CENPP: variants seen among roughly 807,000 people sequenced by gnomAD.
CENPP encodes centromere protein P.
In CENPP, 24 loss-of-function variants were observed where a neutral mutation model predicts 35.6. The observed-to-expected ratio is 0.67, with a 90% CI of 0.49 to 0.95. The LOEUF is 0.95. CENPP is among the 40% of genes least tolerant of loss of function. The probability of loss-of-function intolerance (pLI) is 0.00; values close to 1 mark genes in which losing one functional copy is unlikely to be tolerated. For missense variants in CENPP, 332 were observed against 345.3 expected, an observed-to-expected ratio of 0.96 and a Z score of 0.31; for synonymous variants, 120 against 125.5, an observed-to-expected ratio of 0.96 and a Z score of 0.29.
At chr9:92,525,446 T>C (rs909580133) in intron 5 of CENPP, among the ~76,000 whole-genome samples, 8 of 152,188 alleles carry the variant, frequency 5.3e-5, no homozygotes, top group Non-Finnish European at 7.3e-5. Flanking sequence ...CAGTGACAAA[T>C]TGCATATACC....
chr9:92,388,505 G>T (rs995090577), intron 5 of CENPP, among the ~76,000 whole-genome samples: 3 of 151,764 alleles, frequency 2.0e-5, no homozygotes, highest in Non-Finnish European at 4.4e-5. Context: ...TATTCAAAGA[G>T]TGACCAACTC....
In CENPP at chr9:92,390,061, A is replaced by T. The variant is rs1842607291; in HGVS notation, c.564+10202A>T. The T allele has an allele frequency of 2.0e-6, 3 of 1,521,978 alleles. No individual in the cohort carries two copies. The East Asian group carries it at 6.8e-5, about 34-fold the overall frequency. The allele number at this position is 1,521,978 out of a possible 1,614,324, so 94.3% of individuals were successfully genotyped here. Reference sequence around the variant, plus strand: ...AATCGAGTCTTCTTAAGTTAGCTAGAGGGAAAAAAATATAAAAAACAACTA... The same window carrying T: ...AATCGAGTCTTCTTAAGTTAGCTAGTGGGAAAAAAATATAAAAAACAACTA... On this transcript the variant is annotated intron_variant, in intron 5 of 7. Transcript: ENST00000375587.
At chr9:92,505,385 A>G (rs781641179) in intron 5 of CENPP, 1 of 706,612 alleles carries the variant, frequency 1.4e-6, no homozygotes, top group South Asian at 2.9e-5. Context: ...TGCTTGAAGA[A>G]AAAACAATGC....
chr9:92,446,003 C>A (rs1289339298), intron 5 of CENPP, among the ~76,000 whole-genome samples: 5 of 151,784 alleles, frequency 3.3e-5, no homozygotes, highest in Non-Finnish European at 5.9e-5. Context: ...TTATTTTATT[C>A]TTTCTACTTT....
intron 5 of CENPP, chr9:92,401,115 A>T: frequency 6.6e-7 from 1 of 1,509,748 alleles, no homozygotes; most frequent in Non-Finnish European, 9.2e-7. Context: ...CTTGGGAGGT[A>T]ATGGTGTTAT....
intron 4 of CENPP, among the ~76,000 whole-genome samples, chr9:92,359,193 C>T (rs1841674275): frequency 6.6e-6 from 1 of 152,044 alleles, no homozygotes; most frequent in Admixed American, 6.5e-5. Flanking sequence ...AGGTGATCCG[C>T]CTGCCTTGGC....
intron 5 of CENPP, among the ~76,000 whole-genome samples, chr9:92,442,756 G>C (rs1029367629): frequency 1.3e-5 from 2 of 151,910 alleles, no homozygotes; most frequent in Non-Finnish European, 2.9e-5. Context: ...GGCTGAGGCA[G>C]GAGAATGGCG....
chr9:92,492,238 T>G (rs1262166862), intron 5 of CENPP, among the ~76,000 whole-genome samples: 1 of 152,260 alleles, frequency 6.6e-6, no homozygotes, highest in Non-Finnish European at 1.5e-5. Context: ...CTGTAATTTG[T>G]GGCTTAAATT....
intron 5 of CENPP, among the ~76,000 whole-genome samples, chr9:92,537,646 C>T (rs751343432): frequency 1.3e-5 from 2 of 151,658 alleles, no homozygotes; most frequent in Non-Finnish European, 2.9e-5. Flanking sequence ...GGCAACAGAG[C>T]GAGACTACAT....
chr9:92,391,240 C>T (rs1842666797), intron 5 of CENPP, among the ~76,000 whole-genome samples: 1 of 148,822 alleles, frequency 6.7e-6, no homozygotes. Context: ...ACTAAAAATA[C>T]CAAAAAAAAA....
intron 5 of CENPP, among the ~76,000 whole-genome samples, chr9:92,418,020 G>A (rs1236135884): frequency 2.0e-5 from 3 of 152,054 alleles, no homozygotes; most frequent in African/African-American, 7.2e-5. Flanking sequence ...GAGCCACCAC[G>A]CCTGGCCTCA....
chr9:92,337,752 C>A, intron 3 of CENPP, 123 bp downstream of exon 3: 1 of 716,512 alleles, frequency 1.4e-6, no homozygotes, highest in South Asian at 1.5e-5. Context: ...CCCCCCCATT[C>A]ATAGCACATT....
At chr9:92,385,867 C>G (rs1352200994) in intron 5 of CENPP, 1 of 1,438,104 alleles carries the variant, frequency 7.0e-7, no homozygotes, top group South Asian at 1.2e-5. Context: ...GTAAAGGAAA[C>G]CTAAGTCAGA....
intron 5 of CENPP, among the ~76,000 whole-genome samples, chr9:92,596,497 A>G (rs573212237): frequency 6.6e-6 from 1 of 151,258 alleles, no homozygotes; most frequent in South Asian, 2.1e-4. Context: ...AGGTGGGAAG[A>G]AGGCAGCAAT....
intron 5 of CENPP, among the ~76,000 whole-genome samples, chr9:92,461,504 A>C: frequency 6.6e-6 from 1 of 152,134 alleles, no homozygotes; most frequent in Middle Eastern, 3.4e-3. Flanking sequence ...ATTTATTTCC[A>C]TATTAATTTG....
intron 5 of CENPP, among the ~76,000 whole-genome samples, chr9:92,422,927 G>A (rs981013422): frequency 2.6e-5 from 4 of 152,230 alleles, no homozygotes; most frequent in South Asian, 2.1e-4. Flanking sequence ...CAGCAATATT[G>A]TATAATTCAT....
chr9:92,549,479 T>C (rs547068420), intron 5 of CENPP, among the ~76,000 whole-genome samples: 2 of 152,240 alleles, frequency 1.3e-5, no homozygotes, highest in South Asian at 4.1e-4. Context: ...AAACACCGTC[T>C]GTACTAAAAA....
chr9:92,439,211 A>C (rs905836167), intron 5 of CENPP, among the ~76,000 whole-genome samples: 6 of 152,182 alleles, frequency 3.9e-5, no homozygotes, highest in Non-Finnish European at 5.9e-5. Flanking sequence ...AATTTTAAAA[A>C]TATAATAATA....
chr9:92,600,674 G>A (rs1850890421), intron 5 of CENPP, among the ~76,000 whole-genome samples: 1 of 152,208 alleles, frequency 6.6e-6, no homozygotes, highest in South Asian at 2.1e-4. Context: ...TTGCTCCTGT[G>A]GCAAAGTGCT....
Sources: allele counts gnomAD v4.1 joint callset (sites outside exome capture counted in the v4.1 genomes callset), GRCh38; gene constraint gnomAD v4.1.1; transcripts MANE v1.5; gene names NCBI Gene and HGNC (gene_info 2026-07-23, HGNC 2026-07-21).